The following ZBTB7C variants were observed in gnomAD, a reference collection of about 807,000 sequenced individuals.
The protein encoded by ZBTB7C is zinc finger and BTB domain containing 7C, also known as zinc finger and BTB domain-containing protein 7C.
A neutral mutation model predicts 25.7 loss-of-function variants in ZBTB7C; 8 were observed. That is an observed-to-expected ratio of 0.31 (90% confidence interval 0.18 to 0.56). ZBTB7C has a LOEUF of 0.56. Among genes scored for constraint, ZBTB7C ranks in the 20% least tolerant of loss-of-function variants. The pLI is 0.91. For missense variants in ZBTB7C, 824 were observed against 855.2 expected, an observed-to-expected ratio of 0.96 and a Z score of 0.46; for synonymous variants, 394 against 369.0, an observed-to-expected ratio of 1.07 and a Z score of -0.78.
chr18:48,187,035 G>A (rs1425329364), intron 2 of ZBTB7C, among the ~76,000 whole-genome samples: 2 of 152,194 alleles, frequency 1.3e-5, no homozygotes, highest in South Asian at 2.1e-4. Flanking sequence ...GGGTGGGTGC[G>A]AGAGGCCAGC....
At chr18:48,107,618 G>A (rs1291244855) in intron 3 of ZBTB7C, among the ~76,000 whole-genome samples, 1 of 152,124 alleles carries the variant, frequency 6.6e-6, no homozygotes, top group Non-Finnish European at 1.5e-5. Context: ...GGCCAGAGGT[G>A]GCCTCTGGGA....
At chr18:48,078,427 T>A (rs1208788193) in intron 3 of ZBTB7C, among the ~76,000 whole-genome samples, 2 of 152,176 alleles carry the variant, frequency 1.3e-5, no homozygotes, top group Non-Finnish European at 2.9e-5. Flanking sequence ...ACCTTCAGGA[T>A]GGGCAGGGTA....
chr18:48,099,861 A>T (rs1238736000), intron 3 of ZBTB7C, among the ~76,000 whole-genome samples: 3 of 152,198 alleles, frequency 2.0e-5, no homozygotes, highest in African/African-American at 7.2e-5. Flanking sequence ...ACTTAAGACA[A>T]ACCTAATAAA....
chr18:48,205,890 G>A (rs1169068163), intron 2 of ZBTB7C, among the ~76,000 whole-genome samples: 1 of 152,098 alleles, frequency 6.6e-6, no homozygotes, highest in Non-Finnish European at 1.5e-5. Flanking sequence ...CCCAAGCTGG[G>A]CTGCTTTTTT....
Position 48,067,104 on chromosome 18 carries a change from A to AC in ZBTB7C, c.-16-25982_-16-25981insG, listed in dbSNP as rs1224300283. On this transcript the variant is annotated intron_variant, in intron 3 of 4. Transcript: ENST00000590800. ...GTGACAGAGCAAGTCTCCATCTCCA[A>AC]AAAAACAAAACAAAACAAAACAAAA... Among the ~76,000 whole-genome samples the AC allele has an allele frequency of 2.3e-3, 355 of 151,746 alleles. 4 individuals carry two copies. In the East Asian group the frequency reaches 0.033, roughly 14 times the overall value.
At chr18:48,117,693 A>G (rs1352263252) in intron 3 of ZBTB7C, among the ~76,000 whole-genome samples, 1 of 152,176 alleles carries the variant, frequency 6.6e-6, no homozygotes, top group African/African-American at 2.4e-5. Flanking sequence ...ACAACAAAAC[A>G]CGTGTTCCAT....
intron 2 of ZBTB7C, among the ~76,000 whole-genome samples, chr18:48,318,873 G>T (rs144304671): frequency 3.3e-5 from 5 of 152,282 alleles, no homozygotes; most frequent in African/African-American, 9.6e-5. Flanking sequence ...ACATGTCACA[G>T]GTTCCAGCCT....
chr18:48,117,175 C>T (rs2144698455), intron 3 of ZBTB7C, among the ~76,000 whole-genome samples: 1 of 152,262 alleles, frequency 6.6e-6, no homozygotes, highest in African/African-American at 2.4e-5. Flanking sequence ...CATACCAGTC[C>T]CTCCGTGGAC....
At chr18:48,402,022 C>T (rs1218107603) in intron 1 of ZBTB7C, among the ~76,000 whole-genome samples, 2 of 152,138 alleles carry the variant, frequency 1.3e-5, no homozygotes, top group Non-Finnish European at 2.9e-5. Context: ...CCTCCATGAA[C>T]TTAACAAGGG....
At chr18:48,304,598 C>T (rs950655353) in intron 2 of ZBTB7C, among the ~76,000 whole-genome samples, 1 of 152,064 alleles carries the variant, frequency 6.6e-6, no homozygotes, top group South Asian at 2.1e-4. Flanking sequence ...TCGCTTGAAC[C>T]CGGGCAGCGG....
At chr18:48,232,172 C>A (rs1413680179) in intron 2 of ZBTB7C, among the ~76,000 whole-genome samples, 1 of 152,160 alleles carries the variant, frequency 6.6e-6, no homozygotes, top group African/African-American at 2.4e-5. Flanking sequence ...AGGTTTCCAG[C>A]CAGAAAAGTA....
At chr18:48,362,624 A>T (rs2047134842) in intron 1 of ZBTB7C, among the ~76,000 whole-genome samples, 1 of 152,170 alleles carries the variant, frequency 6.6e-6, no homozygotes, top group Non-Finnish European at 1.5e-5. Flanking sequence ...ATGGCATTTT[A>T]TTATAGCAGC....
At chr18:48,125,751 T>C (rs4940270) in intron 3 of ZBTB7C, among the ~76,000 whole-genome samples, 25,889 of 152,186 alleles carry the variant, frequency 0.17, 2,294 homozygotes, top group South Asian at 0.23. Flanking sequence ...ATTAGGTGGC[T>C]CCAGTAGACA....
chr18:48,178,807 C>T (rs933797274), intron 3 of ZBTB7C, among the ~76,000 whole-genome samples: 1 of 152,150 alleles, frequency 6.6e-6, no homozygotes. Context: ...AAAACCCTGG[C>T]CTGCTCTGTG....
intron 1 of ZBTB7C, among the ~76,000 whole-genome samples, chr18:48,387,205 G>A (rs954204556): frequency 6.6e-6 from 1 of 152,218 alleles, no homozygotes; most frequent in Non-Finnish European, 1.5e-5. Flanking sequence ...GACTACAGAG[G>A]CAATCGAAGT....
chr18:48,161,601 C>T (rs957877264), intron 3 of ZBTB7C, among the ~76,000 whole-genome samples: 3 of 152,070 alleles, frequency 2.0e-5, no homozygotes, highest in African/African-American at 4.8e-5. Flanking sequence ...GAATCCGGGA[C>T]ATGAAGCAAC....
chr18:48,374,420 A>G (rs1240539083), intron 1 of ZBTB7C: 1 of 152,256 alleles, frequency 6.6e-6, no homozygotes, highest in Non-Finnish European at 1.5e-5. Flanking sequence ...AAAAAGCTCT[A>G]TTCTGATCTG....
At chr18:48,058,654 C>T (rs968045379) in intron 3 of ZBTB7C, among the ~76,000 whole-genome samples, 2 of 152,210 alleles carry the variant, frequency 1.3e-5, no homozygotes, top group Non-Finnish European at 2.9e-5. Flanking sequence ...CAAGGATCCT[C>T]ACCTCGTGGT....
At chr18:48,345,106 G>C (rs1050109855) in intron 1 of ZBTB7C, among the ~76,000 whole-genome samples, 2 of 152,126 alleles carry the variant, frequency 1.3e-5, no homozygotes, top group African/African-American at 4.8e-5. Flanking sequence ...CTAAGCCAAG[G>C]GTCCAGCGCT....
Sources: allele counts gnomAD v4.1 joint callset (sites outside exome capture counted in the v4.1 genomes callset), GRCh38; gene constraint gnomAD v4.1.1; transcripts MANE v1.5; gene names NCBI Gene and HGNC (gene_info 2026-07-23, HGNC 2026-07-21).